The following RGS6 variants were observed in gnomAD, a reference collection of about 807,000 sequenced individuals.
The protein encoded by RGS6 is regulator of G-protein signaling 6.
RGS6 carries 30 observed loss-of-function variants against 78.5 expected under a neutral mutation model. The observed-to-expected ratio is 0.38, with a 90% CI of 0.29 to 0.52. RGS6 has a LOEUF of 0.52. Among genes scored for constraint, RGS6 ranks in the 20% least tolerant of loss-of-function variants. The probability of loss-of-function intolerance (pLI) is 0.85; values close to 1 mark genes in which losing one functional copy is unlikely to be tolerated. For missense variants in RGS6, 495 were observed against 609.7 expected, an observed-to-expected ratio of 0.81 and a Z score of 1.98; for synonymous variants, 206 against 206.0, an observed-to-expected ratio of 1.00 and a Z score of 0.00.
chr14:71,922,581 A>G, the RGS6 span, among the ~76,000 whole-genome samples: 4 of 148,864 alleles, frequency 2.7e-5, no homozygotes, highest in East Asian at 6.0e-4. Context: ...TGATACAGGT[A>G]CAATACAGTT....
At chr14:72,203,606 A>T (rs549192141) in intron 2 of RGS6, among the ~76,000 whole-genome samples, 50 of 152,250 alleles carry the variant, frequency 3.3e-4, no homozygotes, top group African/African-American at 1.1e-3. Context: ...TGTTGGCTAG[A>T]GACATCAGTT....
In RGS6 at chr14:72,545,157, G is replaced by A. The variant is rs147417868; in HGVS notation, c.1422+5063G>A. Among the ~76,000 whole-genome samples, 300 of 152,366 alleles carry A rather than the reference G, an allele frequency of 2.0e-3. 1 individual carries two copies. Among genetic ancestry groups the A allele is most frequent in the African/African-American group, 7.0e-3 (293 of 41,590 alleles). On this transcript the variant is annotated intron_variant, in intron 17 of 17. Transcript: ENST00000553525. ...CAATTGGCTAAAAATCTTTCCAAAG[G>A]GTTAGTTTTTATTGCAAACAGTCCT...
chr14:72,405,966 G>A (rs1030554432), intron 3 of RGS6, among the ~76,000 whole-genome samples: 5 of 152,212 alleles, frequency 3.3e-5, no homozygotes, highest in African/African-American at 1.2e-4. Context: ...GTTTCCTCCA[G>A]GATTGCTGGG....
chr14:72,083,342 G>C (rs2094900174), intron 2 of RGS6, among the ~76,000 whole-genome samples: 1 of 152,128 alleles, frequency 6.6e-6, no homozygotes, highest in Non-Finnish European at 1.5e-5. Flanking sequence ...CCTACTACTG[G>C]TATCTAGTGG....
At chr14:72,144,095 A>G (rs1029488168) in intron 2 of RGS6, among the ~76,000 whole-genome samples, 3 of 152,334 alleles carry the variant, frequency 2.0e-5, no homozygotes, top group African/African-American at 7.2e-5. Context: ...CCCCAAGACC[A>G]GATCATTTAA....
chr14:72,151,918 AG>A (rs1479973750), intron 2 of RGS6, among the ~76,000 whole-genome samples: 1 of 152,174 alleles, frequency 6.6e-6, no homozygotes, highest in Non-Finnish European at 1.5e-5. Flanking sequence ...TCTTGGAGTC[AG>A]GTGTGGGAAC....
chr14:72,458,421 A>T (rs367656579), intron 5 of RGS6, 44 bp downstream of exon 5: 1 of 1,391,032 alleles, frequency 7.2e-7, no homozygotes, highest in Admixed American at 1.7e-5. Context: ...TTTCTTCACA[A>T]CATCATCTGA....
At chr14:72,547,097 C>T (rs1166997787) in intron 17 of RGS6, 13 of 1,402,596 alleles carry the variant, frequency 9.3e-6, no homozygotes, top group Middle Eastern at 2.4e-4. Flanking sequence ...CAGGGCCCCC[C>T]GCAGGATAAA....
chr14:72,230,663 G>T (rs2049326065), intron 2 of RGS6, among the ~76,000 whole-genome samples: 1 of 152,170 alleles, frequency 6.6e-6, no homozygotes, highest in Non-Finnish European at 1.5e-5. Context: ...GGACAGGACT[G>T]CAGGCTGGAA....
chr14:72,234,314 C>A (rs1334452164), intron 2 of RGS6, among the ~76,000 whole-genome samples: 1 of 151,622 alleles, frequency 6.6e-6, no homozygotes, highest in African/African-American at 2.4e-5. Context: ...ATTTGCATAA[C>A]CAGAGGTGAA....
chr14:71,973,360 T>A lies in RGS6; in HGVS notation c.84+8485T>A, dbSNP rs1024698796. Among the ~76,000 whole-genome samples, 35 of 150,088 alleles carry A rather than the reference T, an allele frequency of 2.3e-4. 1 individual carries two copies. Among genetic ancestry groups the A allele is most frequent in the African/African-American group, 8.5e-4 (35 of 41,238 alleles). On this transcript the variant is annotated intron_variant, in intron 2 of 17. Transcript: ENST00000553525. ...TGGTCTTCAGCACTTAGGGCTTGTT[T>A]TTTTTCACTCTTTTTTTTTTTTTAA...
intron 16 of RGS6, among the ~76,000 whole-genome samples, chr14:72,539,555 C>T (rs996372503): frequency 2.8e-4 from 43 of 152,312 alleles, no homozygotes; most frequent in African/African-American, 2.2e-4. Context: ...TTCGCTTCCC[C>T]GGCAGCCCCT....
chr14:72,518,645 T>A (rs1417711967), intron 15 of RGS6, 108 bp downstream of exon 15: 4 of 1,090,278 alleles, frequency 3.7e-6, no homozygotes, highest in Non-Finnish European at 5.2e-6. Context: ...AATTTCAGAT[T>A]TGGTTATTTT....
At chr14:72,412,682 C>T (rs537549005) in intron 3 of RGS6, among the ~76,000 whole-genome samples, 58 of 152,220 alleles carry the variant, frequency 3.8e-4, no homozygotes, top group African/African-American at 1.3e-3. Context: ...TTAGACCTTT[C>T]GTGCTTTCTC....
At chr14:72,474,480 T>C in intron 9 of RGS6, 145 bp from the exon 10 acceptor site, 3 of 687,758 alleles carry the variant, frequency 4.4e-6, no homozygotes, top group Non-Finnish European at 7.5e-6. Context: ...CACAGAGGAA[T>C]GCATATTATG....
intron 2 of RGS6, among the ~76,000 whole-genome samples, chr14:72,240,421 A>G (rs1194801387): frequency 6.6e-6 from 1 of 152,148 alleles, no homozygotes; most frequent in African/African-American, 2.4e-5. Flanking sequence ...ATGGAGAGCC[A>G]TTTTACTGAG....
intron 17 of RGS6, among the ~76,000 whole-genome samples, chr14:72,549,611 G>A (rs1487556478): frequency 6.6e-6 from 1 of 152,106 alleles, no homozygotes; most frequent in African/African-American, 2.4e-5. Flanking sequence ...TCTGTAATCC[G>A]AGCACTTTGG....
rs111615093 is a variant in RGS6, at chr14:71,971,006, C to G, written c.84+6131C>G. Among the ~76,000 whole-genome samples, 64 of 152,196 alleles carry G rather than the reference C, an allele frequency of 4.2e-4. 3 individuals carry two copies. In the East Asian group the frequency reaches 7.1e-3, roughly 17 times the overall value. Reference sequence around the variant, plus strand: ...CTGTAAAAGAGCAGATTTGTGATGTCGTATACCGAGTTCAGGAGACTTTAA... The same window carrying G: ...CTGTAAAAGAGCAGATTTGTGATGTGGTATACCGAGTTCAGGAGACTTTAA... On this transcript the variant is annotated intron_variant, in intron 2 of 17. Coordinates refer to ENST00000553525, the MANE Select transcript of RGS6 (RefSeq NM_001204424.2).
At chr14:72,615,951 G>C in the RGS6 span, among the ~76,000 whole-genome samples, 7 of 152,228 alleles carry the variant, frequency 4.6e-5, no homozygotes, top group Admixed American at 2.6e-4. Context: ...ACAGTACAGA[G>C]GGGTGAAGCC....
Sources: allele counts gnomAD v4.1 joint callset (sites outside exome capture counted in the v4.1 genomes callset), GRCh38; gene constraint gnomAD v4.1.1; transcripts MANE v1.5; gene names NCBI Gene and HGNC (gene_info 2026-07-23, HGNC 2026-07-21).